Variants in CNTLN observed in about 807,000 individuals in gnomAD.
CNTLN encodes the protein centlein, centrosomal protein.
Under a neutral mutation model 180.0 loss-of-function variants are expected in CNTLN, and 212 were observed. The observed-to-expected ratio is 1.18, with a 90% CI of 1.05 to 1.32. CNTLN has a LOEUF of 1.32. CNTLN is among the 40% of genes most tolerant of loss of function. CNTLN has a pLI of 0.00. For missense variants in CNTLN, 2,095 were observed against 1,610.9 expected (o/e 1.30, Z -5.14); for synonymous variants, 722 against 563.1 (o/e 1.28, Z -3.99).
intron 6 of CNTLN, among the ~76,000 whole-genome samples, chr9:17,293,177 C>T (rs567919633): frequency 1.1e-4 from 16 of 152,302 alleles, no homozygotes; most frequent in African/African-American, 3.8e-4. Context: ...AGAGGGGCAC[C>T]AACCTGATGC....
intron 8 of CNTLN, among the ~76,000 whole-genome samples, chr9:17,328,264 A>G (rs1820433072): frequency 6.6e-6 from 1 of 152,306 alleles, no homozygotes; most frequent in Non-Finnish European, 1.5e-5. Context: ...TAATTTCTCT[A>G]GAAAATTGAT....
At chr9:17,290,675 G>A (rs941086600) in intron 6 of CNTLN, among the ~76,000 whole-genome samples, 1 of 150,220 alleles carries the variant, frequency 6.7e-6, no homozygotes, top group South Asian at 2.2e-4. Flanking sequence ...CGTGGGCGTA[G>A]GACCCTCCGA....
At chr9:17,457,298 G>C (rs544078796) in intron 18 of CNTLN, among the ~76,000 whole-genome samples, 147 of 152,118 alleles carry the variant, frequency 9.7e-4, no homozygotes, top group Non-Finnish European at 1.3e-3. Context: ...CCAACCAAAA[G>C]ATATTGAGTA....
chr9:17,252,051 A>G (rs1349313092), intron 5 of CNTLN, among the ~76,000 whole-genome samples: 1 of 151,916 alleles, frequency 6.6e-6, no homozygotes, highest in Non-Finnish European at 1.5e-5. Context: ...ATGCTACTTC[A>G]AATGGTATGA....
chr9:17,270,851 C>T (rs1827884906), intron 5 of CNTLN, among the ~76,000 whole-genome samples: 3 of 151,516 alleles, frequency 2.0e-5, no homozygotes, highest in Non-Finnish European at 4.4e-5. Context: ...AATATAGTCG[C>T]ATGGCTCAAA....
chr9:17,415,959 T>A lies in CNTLN; in HGVS notation c.2891-7T>A. 6.3e-7 allele frequency: 1 copy of A among 1,598,032 alleles called. No homozygotes were observed. The highest frequency in any genetic ancestry group is 8.5e-7 in the Non-Finnish European group (1 of 1,172,006). Reference sequence around the variant, plus strand: ...TTTAAAATATGAACAATATTGTTTTTATGTAGTCAACAGAGAAAAGTACAA... The same window carrying A: ...TTTAAAATATGAACAATATTGTTTTAATGTAGTCAACAGAGAAAAGTACAA... On this transcript the variant is annotated splice_polypyrimidine_tract_variant and splice_region_variant and intron_variant, in intron 17 of 25. Coordinates refer to ENST00000380647, the MANE Select transcript of CNTLN (RefSeq NM_017738.4).
intron 2 of CNTLN, among the ~76,000 whole-genome samples, chr9:17,223,113 T>G (rs183997861): frequency 2.4e-4 from 37 of 152,186 alleles, no homozygotes; most frequent in African/African-American, 8.4e-4. Context: ...GCATGGATAC[T>G]TTCGACAAAG....
At chr9:17,149,965 T>A (rs949747092) in intron 2 of CNTLN, among the ~76,000 whole-genome samples, 4 of 152,240 alleles carry the variant, frequency 2.6e-5, no homozygotes, top group African/African-American at 9.6e-5. Context: ...GTGAGAAGTG[T>A]CTGTTCATAT....
At chr9:17,483,649 G>A (rs551138479) in intron 23 of CNTLN, among the ~76,000 whole-genome samples, 20 of 152,318 alleles carry the variant, frequency 1.3e-4, no homozygotes, top group African/African-American at 4.1e-4. Flanking sequence ...CGTAGGTGTG[G>A]TATGGGCTAG....
chr9:17,219,196 T>C (rs1823964710), intron 2 of CNTLN, among the ~76,000 whole-genome samples: 1 of 152,080 alleles, frequency 6.6e-6, no homozygotes. Flanking sequence ...AACAGGAGTT[T>C]GTCTCAGTCA....
chr9:17,313,686 T>C (rs1819360117), intron 8 of CNTLN, among the ~76,000 whole-genome samples: 1 of 152,344 alleles, frequency 6.6e-6, no homozygotes, highest in East Asian at 1.9e-4. Context: ...AAAATTTTGA[T>C]GTTATTTTCG....
At chr9:17,447,118 C>T (rs1009727511) in intron 18 of CNTLN, 4 of 213,150 alleles carry the variant, frequency 1.9e-5, no homozygotes, top group Admixed American at 8.5e-5. Context: ...CATCAGGGTC[C>T]CAGAGCTTCT....
chr9:17,334,288 G>T (rs762874346), intron 10 of CNTLN, among the ~76,000 whole-genome samples: 1 of 151,932 alleles, frequency 6.6e-6, no homozygotes, highest in African/African-American at 2.4e-5. Flanking sequence ...TCAAACTCCT[G>T]ACCTCAAATG....
At chr9:17,448,006 T>A in intron 18 of CNTLN, 1 of 152,830 alleles carries the variant, frequency 6.5e-6, no homozygotes, top group Middle Eastern at 2.9e-3. Flanking sequence ...TTCCGGGCCA[T>A]GGTTTGAAGA....
Position 17,176,300 on chromosome 9 carries a change from T to C in CNTLN, c.449+32924T>C, listed in dbSNP as rs147174596. ...ATTGCTGATAATTTTTTTTTTATCA[T>C]GAATGGGCATTTGATTCCATGAAAT... On this transcript the variant is annotated intron_variant, in intron 2 of 25. Transcript: ENST00000380647. 1.0e-3 allele frequency among the ~76,000 whole-genome samples: 159 copies of C among 152,210 alleles called. No homozygotes were observed. The Middle Eastern group carries it at 0.017, about 16-fold the overall frequency.
At chr9:17,410,497 C>G (rs370665530) in intron 16 of CNTLN, among the ~76,000 whole-genome samples, 1 of 151,962 alleles carries the variant, frequency 6.6e-6, no homozygotes, top group East Asian at 1.9e-4. Context: ...TGCCTTTTTT[C>G]TTTTCTCACT....
the CNTLN span, among the ~76,000 whole-genome samples, chr9:17,521,287 G>GAGAGAGAGAT: frequency 6.6e-6 from 1 of 151,406 alleles, no homozygotes; most frequent in African/African-American, 2.4e-5. Flanking sequence ...GAGAGAGAGA[G>GAGAGAGAGAT]AGAGAGAGGA....
intron 2 of CNTLN, among the ~76,000 whole-genome samples, chr9:17,188,820 AT>A (rs1228072626): frequency 6.6e-6 from 1 of 152,036 alleles, no homozygotes; most frequent in African/African-American, 2.4e-5. Flanking sequence ...TTAAATGTTT[AT>A]AAAAACTGTT....
At chr9:17,453,182 GCA>G (rs1271526087) in intron 18 of CNTLN, among the ~76,000 whole-genome samples, 1 of 151,926 alleles carries the variant, frequency 6.6e-6, no homozygotes, top group Non-Finnish European at 1.5e-5. Context: ...GTATGATGGT[GCA>G]TACCTGTAGT....
Sources: allele counts gnomAD v4.1 joint callset (sites outside exome capture counted in the v4.1 genomes callset), GRCh38; gene constraint gnomAD v4.1.1; transcripts MANE v1.5; gene names NCBI Gene and HGNC (gene_info 2026-07-23, HGNC 2026-07-21).